WDR72: variants seen among roughly 807,000 people sequenced by gnomAD.
The protein encoded by WDR72 is WD repeat domain 72.
In WDR72, 120 loss-of-function variants were observed where a neutral mutation model predicts 124.2. The observed-to-expected ratio is 0.97, with a 90% CI of 0.83 to 1.12. WDR72 has a LOEUF of 1.12. WDR72 is among the 50% of genes most tolerant of loss of function. WDR72 has a pLI of 0.00. For synonymous variants in WDR72, 452 were observed against 441.7 expected (o/e 1.02, Z -0.29); for missense variants, 1,387 against 1,278.8 (o/e 1.08, Z -1.29).
chr15:53,707,211 A>C (rs1349232368), intron 9 of WDR72, among the ~76,000 whole-genome samples: 3 of 152,222 alleles, frequency 2.0e-5, no homozygotes, highest in African/African-American at 7.2e-5. Context: ...TAGACACATT[A>C]GTGAAAAATT....
At chr15:53,620,097 T>C (rs1231954353) in intron 14 of WDR72, among the ~76,000 whole-genome samples, 1 of 151,992 alleles carries the variant, frequency 6.6e-6, no homozygotes, top group African/African-American at 2.4e-5. Context: ...TACAAACTCT[T>C]TAATGCAGAA....
At chr15:53,596,377 T>G (rs2012775400) in intron 18 of WDR72, among the ~76,000 whole-genome samples, 1 of 152,128 alleles carries the variant, frequency 6.6e-6, no homozygotes, top group South Asian at 2.1e-4. Flanking sequence ...ACAACATAAA[T>G]TTAGACTCAC....
At chr15:53,685,817 C>T (rs1462598047) in intron 13 of WDR72, among the ~76,000 whole-genome samples, 1 of 144,208 alleles carries the variant, frequency 6.9e-6, no homozygotes, top group Non-Finnish European at 1.5e-5. Flanking sequence ...AGAGAAAGGT[C>T]GGGTTACCCT....
intron 18 of WDR72, among the ~76,000 whole-genome samples, chr15:53,556,501 C>T (rs1188405461): frequency 2.6e-5 from 4 of 151,950 alleles, no homozygotes; most frequent in Non-Finnish European, 5.9e-5. Context: ...ATGGATGGAA[C>T]TGACTTATCA....
At chr15:53,762,797 T>C (rs2019082001), upstream of WDR72, 1 of 152,228 alleles carries the variant, frequency 6.6e-6, no homozygotes, top group African/African-American at 2.4e-5. Flanking sequence ...CAGGGCTGGC[T>C]TATCCATTAG....
intron 18 of WDR72, among the ~76,000 whole-genome samples, chr15:53,543,326 C>G (rs1276011291): frequency 6.6e-6 from 1 of 151,804 alleles, no homozygotes; most frequent in Non-Finnish European, 1.5e-5. Context: ...AACTAGAACT[C>G]AGGATTAAGA....
At chr15:53,700,453 A>G (rs2017137188) in intron 12 of WDR72, among the ~76,000 whole-genome samples, 1 of 152,206 alleles carries the variant, frequency 6.6e-6, no homozygotes, top group East Asian at 1.9e-4. Context: ...AAAAGAGGTA[A>G]GCATTAGATA....
intron 17 of WDR72, among the ~76,000 whole-genome samples, chr15:53,606,437 C>T (rs1297351318): frequency 6.6e-6 from 1 of 152,152 alleles, no homozygotes; most frequent in Non-Finnish European, 1.5e-5. Context: ...TATTGACTGC[C>T]TACTGTCACT....
Position 53,523,223 on chromosome 15 carries a change from C to T in WDR72, c.3248G>A (p.Ser1083Asn), listed in dbSNP as rs753315302. Reference sequence around the variant, plus strand: ...TATTTTTAAATGGCTTTCACCTGGACTCTCAGACTCTTCCAAGGCACATCT... The same window carrying T: ...TATTTTTAAATGGCTTTCACCTGGATTCTCAGACTCTTCCAAGGCACATCT... ...PDRCALEESESPGEPRHHSWI... is the reference protein window; with the variant it reads ...PDRCALEESENPGEPRHHSWI... The change falls in exon 19 of 20, where the codon AGT (serine) becomes AAT (asparagine). Residue 1083 changes from serine (S) to asparagine (N), a missense_variant. Coordinates refer to ENST00000360509, the MANE Select transcript of WDR72 (RefSeq NM_182758.4). 12 of 1,612,734 alleles carry T rather than the reference C, an allele frequency of 7.4e-6. No homozygotes were observed. Among genetic ancestry groups the T allele is most frequent in the Non-Finnish European group, 1.0e-5 (12 of 1,179,204 alleles).
intron 14 of WDR72, among the ~76,000 whole-genome samples, chr15:53,658,143 T>C (rs930506116): frequency 1.3e-5 from 2 of 152,162 alleles, no homozygotes; most frequent in Non-Finnish European, 2.9e-5. Context: ...CTAGAAATGA[T>C]TTAAATAAAT....
rs374229030 is a variant in WDR72 at position 53,651,546 on chromosome 15, T to C, written c.1962+14026A>G. Among the ~76,000 whole-genome samples the C allele has an allele frequency of 3.3e-5, 5 of 152,222 alleles. No individual in the cohort carries two copies. In the East Asian group the frequency reaches 9.6e-4, roughly 29 times the overall value. ...TCCATGCTACAAAACTTACATAACA[T>C]GCAGACACAGTAATTCTTTGTTTTC... is the stretch of plus-strand genomic sequence containing the variant. On this transcript the variant is annotated intron_variant, in intron 14 of 19. Transcript: ENST00000360509.
chr15:53,623,410 C>T (rs2014080518), intron 14 of WDR72, among the ~76,000 whole-genome samples: 1 of 151,936 alleles, frequency 6.6e-6, no homozygotes, highest in African/African-American at 2.4e-5. Context: ...AGGATAATGA[C>T]CTCCAGCTGC....
At chr15:53,759,871 G>C (rs1316090756), upstream of WDR72, among the ~76,000 whole-genome samples, 1 of 150,422 alleles carries the variant, frequency 6.6e-6, no homozygotes, top group Non-Finnish European at 1.5e-5. Flanking sequence ...TCTCACTTGC[G>C]GTGGCGGCTG....
intron 1 of WDR72, among the ~76,000 whole-genome samples, chr15:53,747,148 G>T (rs896682217): frequency 6.6e-6 from 1 of 152,150 alleles, no homozygotes; most frequent in African/African-American, 2.4e-5. Flanking sequence ...AGCTGGCATG[G>T]GTCAGCAGAA....
intron 14 of WDR72, among the ~76,000 whole-genome samples, 172 bp downstream of exon 14, chr15:53,665,400 T>C (rs971823202): frequency 3.3e-5 from 5 of 152,336 alleles, no homozygotes; most frequent in East Asian, 3.9e-4. Context: ...ATAGTAAGTA[T>C]AATAGTCACT....
chr15:53,649,763 T>C (rs768366326), intron 14 of WDR72, among the ~76,000 whole-genome samples: 6 of 152,082 alleles, frequency 3.9e-5, no homozygotes, highest in Non-Finnish European at 7.4e-5. Context: ...ATGGCTATTA[T>C]TAAATGAAAA....
At chr15:53,631,975 G>A (rs745706663) in intron 14 of WDR72, among the ~76,000 whole-genome samples, 2 of 152,220 alleles carry the variant, frequency 1.3e-5, no homozygotes, top group African/African-American at 4.8e-5. Flanking sequence ...GCCCAGCCAT[G>A]TGGTAGAAAT....
chr15:53,679,970 C>T (rs1000316897), intron 13 of WDR72, among the ~76,000 whole-genome samples: 9 of 150,384 alleles, frequency 6.0e-5, no homozygotes, highest in African/African-American at 2.0e-4. Context: ...AGGAAGAATA[C>T]TTACACTTAG....
At position 53,665,699 on chromosome 15, in the gene WDR72, A is replaced by C; in HGVS notation, c.1835T>G (p.Leu612Arg). 1 of 1,613,930 alleles carries C rather than the reference A, an allele frequency of 6.2e-7. No individual in the cohort carries two copies. Among genetic ancestry groups the C allele is most frequent in the Non-Finnish European group, 8.5e-7 (1 of 1,179,854 alleles). Residue 612 changes from leucine to arginine, a missense_variant, in exon 14 of 20, where the codon CTT becomes CGT. Coordinates refer to ENST00000360509, the MANE Select transcript of WDR72 (RefSeq NM_182758.4). ...IILNCCDDSQ[L>R]VKSVLPIASE... ...GGCAATGGGAAGTACAGACTTCACA[A>C]GCTGTGAATCATCACAACAATTAAG... is the stretch of plus-strand genomic sequence containing the variant.
Sources: allele counts gnomAD v4.1 joint callset (sites outside exome capture counted in the v4.1 genomes callset), GRCh38; gene constraint gnomAD v4.1.1; transcripts MANE v1.5; gene names NCBI Gene and HGNC (gene_info 2026-07-23, HGNC 2026-07-21).